BICRAL: variants seen among roughly 807,000 people sequenced by gnomAD.
The protein encoded by BICRAL is BICRA like chromatin remodeling complex associated protein.
Under a neutral mutation model 91.8 loss-of-function variants are expected in BICRAL, and 8 were observed. The observed-to-expected ratio is 0.09, with a 90% CI of 0.05 to 0.16. BICRAL has a LOEUF of 0.16. Ranked by LOEUF, BICRAL falls within the 10% of genes least tolerant of loss-of-function variation. The probability of loss-of-function intolerance (pLI) is 1.00; values close to 1 mark genes in which losing one functional copy is unlikely to be tolerated. For synonymous variants in BICRAL, 445 were observed against 491.1 expected, an observed-to-expected ratio of 0.91 and a Z score of 1.24; for missense variants, 1,038 against 1,310.9, an observed-to-expected ratio of 0.79 and a Z score of 3.21.
chr6:42,763,802 C>A (rs142962747), intron 1 of BICRAL, among the ~76,000 whole-genome samples: 2,007 of 149,222 alleles, frequency 0.013, 53 homozygotes, highest in African/African-American at 0.048. Flanking sequence ...GCCTGAGCAA[C>A]AGAGTGAGAC....
chr6:42,766,708 G>A (rs964584037), intron 1 of BICRAL, among the ~76,000 whole-genome samples: 3 of 151,962 alleles, frequency 2.0e-5, no homozygotes, highest in African/African-American at 7.3e-5. Context: ...GTGTGGTGGT[G>A]AGCACCAGTA....
intron 1 of BICRAL, among the ~76,000 whole-genome samples, chr6:42,754,109 C>T (rs914174774): frequency 6.6e-6 from 1 of 151,818 alleles, no homozygotes; most frequent in Non-Finnish European, 1.5e-5. Context: ...ATGAGCACTT[C>T]CCAAAGTGCT....
chr6:42,860,402 C>A, intron 11 of BICRAL, 46 bp downstream of exon 11: 2 of 1,049,246 alleles, frequency 1.9e-6, no homozygotes, highest in South Asian at 1.3e-5. Flanking sequence ...CTTTACAGGT[C>A]ACAGCCACTA....
chr6:42,836,823 T>C (rs559981845), intron 6 of BICRAL, among the ~76,000 whole-genome samples: 104 of 152,136 alleles, frequency 6.8e-4, no homozygotes, highest in African/African-American at 2.5e-3. Flanking sequence ...GATTTCACCA[T>C]GTTGGTCAGG....
intron 1 of BICRAL, among the ~76,000 whole-genome samples, chr6:42,770,496 C>T (rs1451958685): frequency 6.6e-6 from 1 of 151,154 alleles, no homozygotes; most frequent in Admixed American, 6.6e-5. Context: ...CTCACTGCAA[C>T]CTCCACCTCC....
chr6:42,865,159 G>A lies in BICRAL; in HGVS notation c.2953G>A (p.Val985Ile). The change falls in exon 13 of 13, where the codon GTT becomes ATT. Residue 985 changes from valine (V) to isoleucine (I), a missense_variant. Around this residue, in one of 5 missense-constraint regions of BICRAL, gnomAD observed 92 missense variants for 147.8 expected, o/e 0.62. Coordinates refer to ENST00000314073, the MANE Select transcript of BICRAL (RefSeq NM_001393499.1). ...KSLRNSPKNE[V>I]LHTDIMKGSG... is the part of the protein sequence containing the mutation. ...TCTGAGGAATTCTCCAAAGAATGAA[G>A]TTTTACACACAGACATCATGAAAGG... 6.2e-7 allele frequency: 1 copy of A among 1,614,158 alleles called. No homozygotes were observed. The highest frequency in any genetic ancestry group is 1.1e-5 in the South Asian group (1 of 91,082).
rs191199721 is a variant in BICRAL at position 42,841,467 on chromosome 6, G to A, written c.1840-10625G>A. Among the ~76,000 whole-genome samples the A allele has an allele frequency of 5.9e-5, 9 of 152,232 alleles. No homozygotes were observed. The East Asian group carries it at 1.2e-3, about 20-fold the overall frequency. ...CTCCCAAAGTGCTGGGATTACAGGC[G>A]TGAGCCACGCTGCCCTGCCAATCGC... On this transcript the variant is annotated intron_variant, in intron 6 of 12. Transcript: ENST00000314073.
rs1198835714 is a variant in BICRAL, at chr6:42,783,139, C to G, written c.-102+1038C>G. Among the ~76,000 whole-genome samples, 9 of 151,448 alleles carry G rather than the reference C, an allele frequency of 5.9e-5. No homozygotes were observed. The South Asian group carries it at 1.9e-3, about 31-fold the overall frequency. ...AGGCGAGTCGCCCCGGCCCCGTTCCCGCTCCCGCTCCGAGCCCGCGGCGGC... is the reference window on the plus strand; with the variant it reads ...AGGCGAGTCGCCCCGGCCCCGTTCCGGCTCCCGCTCCGAGCCCGCGGCGGC... On this transcript the variant is annotated intron_variant, in intron 1 of 12. Coordinates refer to ENST00000314073, the MANE Select transcript of BICRAL (RefSeq NM_001393499.1).
intron 1 of BICRAL, among the ~76,000 whole-genome samples, chr6:42,807,834 C>T (rs2113910912): frequency 6.6e-6 from 1 of 150,958 alleles, no homozygotes; most frequent in South Asian, 2.1e-4. Flanking sequence ...CACGCCTGTA[C>T]AACTGAAAAA....
rs745617685 is a variant in BICRAL, at chr6:42,829,876, C to A, written c.1543C>A (p.Gln515Lys). The part of the protein sequence containing the change: ...SPTVLHLSPG[Q>K]SSVSQGRPGF... ...AACTGTATTACACCTGTCACCTGGGCAGAGCAGCGTTTCCCAAGGAAGACC... is the reference window on the plus strand; with the variant it reads ...AACTGTATTACACCTGTCACCTGGGAAGAGCAGCGTTTCCCAAGGAAGACC... The change falls in exon 6 of 13, where the codon CAG becomes AAG. Residue 515 changes from glutamine (Q) to lysine (K), a missense_variant. By Grantham distance (53) the Gln-to-Lys change is moderately conservative. Coordinates refer to ENST00000314073, the MANE Select transcript of BICRAL (RefSeq NM_001393499.1). 2.5e-6 allele frequency: 4 copies of A among 1,614,192 alleles called. No homozygotes were observed. Among genetic ancestry groups the A allele is most frequent in the Non-Finnish European group, 2.5e-6 (3 of 1,180,034 alleles).
chr6:42,865,623 T>C lies in BICRAL; in HGVS notation c.*177T>C, dbSNP rs1765691962. The stretch of plus-strand genomic sequence containing the variant: ...AATCCTGTTCTTTGTTTAAGAGCAA[T>C]ACTTGTCGTGATTACAGGGAGATCC... On this transcript the variant is annotated 3_prime_UTR_variant, in exon 13 of 13. Coordinates refer to ENST00000314073, the MANE Select transcript of BICRAL (RefSeq NM_001393499.1). 6 of 581,794 alleles carry C rather than the reference T, an allele frequency of 1.0e-5. No homozygotes were observed. Among genetic ancestry groups the C allele is most frequent in the Non-Finnish European group, 1.8e-5 (6 of 327,222 alleles). The allele number at this position is 581,794 out of a possible 1,614,324, so 36.0% of individuals were successfully genotyped here. A position where few individuals can be genotyped will look rare whatever the true frequency, so the allele number is the denominator to read the frequency against.
At chr6:42,797,597 G>A (rs777357171) in intron 1 of BICRAL, among the ~76,000 whole-genome samples, 17 of 152,086 alleles carry the variant, frequency 1.1e-4, no homozygotes, top group South Asian at 2.1e-4. Context: ...GAGTTTGAAA[G>A]GATTAAGTGA....
intron 1 of BICRAL, among the ~76,000 whole-genome samples, chr6:42,755,154 G>A (rs1266706145): frequency 6.8e-6 from 1 of 146,848 alleles, no homozygotes; most frequent in African/African-American, 2.6e-5. Context: ...TGGGGGAATA[G>A]GGAGAGTGTT....
chr6:42,753,147 G>A lies in BICRAL; in HGVS notation c.-261+6124G>A, dbSNP rs1040383021. The stretch of plus-strand genomic sequence containing the variant: ...TCACCATGTTGGCCAGGCTGGTCTC[G>A]AACTCCTGACCTCAGGTGATCCATC... On this transcript the variant is annotated intron_variant, in intron 1 of 14. Transcript: ENST00000614467. Among the ~76,000 whole-genome samples, 3 of 150,630 alleles carry A rather than the reference G, an allele frequency of 2.0e-5. No individual in the cohort carries two copies. In the East Asian group the frequency reaches 5.8e-4, roughly 29 times the overall value.
At chr6:42,751,750 T>G (rs4714623) in intron 1 of BICRAL, among the ~76,000 whole-genome samples, 1 of 148,302 alleles carries the variant, frequency 6.7e-6, no homozygotes, top group Admixed American at 6.9e-5. Flanking sequence ...CCCCGCCTCC[T>G]GGGTTCAAGC....
At chr6:42,861,923 T>A (rs1378259158) in intron 11 of BICRAL, among the ~76,000 whole-genome samples, 9 of 152,170 alleles carry the variant, frequency 5.9e-5, no homozygotes, top group Non-Finnish European at 1.3e-4. Context: ...TGCTTGAATC[T>A]GGGAGGTGAA....
chr6:42,760,014 G>A (rs1208730762), intron 1 of BICRAL, among the ~76,000 whole-genome samples: 2 of 152,138 alleles, frequency 1.3e-5, no homozygotes, highest in African/African-American at 4.8e-5. Context: ...GGAGGCCGGG[G>A]CGGGTGGATC....
intron 3 of BICRAL, among the ~76,000 whole-genome samples, chr6:42,822,449 A>G (rs1188120690): frequency 4.7e-5 from 7 of 148,242 alleles, no homozygotes; most frequent in Non-Finnish European, 3.0e-5. Context: ...GGGTTTTGCC[A>G]TGTTGTACAA....
chr6:42,859,694 T>G (rs1765492577), intron 10 of BICRAL, among the ~76,000 whole-genome samples: 1 of 152,022 alleles, frequency 6.6e-6, no homozygotes, highest in Non-Finnish European at 1.5e-5. Context: ...CAGGCTGGAG[T>G]GCAGTGGCAC....
Sources: allele counts gnomAD v4.1 joint callset (sites outside exome capture counted in the v4.1 genomes callset), GRCh38; gene constraint gnomAD v4.1.1; regional missense constraint gnomAD v4.1.1; transcripts MANE v1.5; gene names NCBI Gene and HGNC (gene_info 2026-07-23, HGNC 2026-07-21).